The following WDR89 variants were observed in gnomAD, a reference collection of about 807,000 sequenced individuals.
WDR89 encodes WD repeat domain 89.
In WDR89, 17 loss-of-function variants were observed where a neutral mutation model predicts 29.1. That is an observed-to-expected ratio of 0.58 (90% CI 0.40 to 0.88). The LOEUF (loss-of-function observed/expected upper bound fraction) is 0.88, where lower values mean the gene tolerates loss of function less well. Ranked by LOEUF, WDR89 falls within the 40% of genes least tolerant of loss-of-function variation. The pLI, the probability that WDR89 is intolerant of heterozygous loss-of-function variation, is 0.00. For synonymous variants in WDR89, 138 were observed against 157.8 expected (o/e 0.87, Z 0.94); for missense variants, 396 against 456.3 (o/e 0.87, Z 1.20).
At position 63,630,274 on chromosome 14, in the gene WDR89, T is replaced by C. The variant is rs147480701; in HGVS notation, c.-137-5241A>G. ...AGAGTCACATATTAAATTGCTCACA[T>C]TTACAATGTAGAAGATGGATTTAAA... is the stretch of plus-strand genomic sequence containing the variant. On this transcript the variant is annotated intron_variant, in intron 1 of 2. Coordinates refer to ENST00000620954, the MANE Select transcript of WDR89 (RefSeq NM_080666.4). Among the ~76,000 whole-genome samples, 5 of 151,664 alleles carry C rather than the reference T, an allele frequency of 3.3e-5. No individual in the cohort carries two copies. The East Asian group carries it at 9.8e-4, about 30-fold the overall frequency.
At chr14:63,613,503 A>ATT (rs879462925) in intron 2 of WDR89, among the ~76,000 whole-genome samples, 6 of 139,204 alleles carry the variant, frequency 4.3e-5, no homozygotes, top group Admixed American at 7.2e-5. Context: ...ATACTGCTGA[A>ATT]TTTTTTTTTT....
intron 2 of WDR89, among the ~76,000 whole-genome samples, chr14:63,621,295 G>C (rs543782566): frequency 6.6e-6 from 1 of 152,056 alleles, no homozygotes; most frequent in Admixed American, 6.6e-5. Context: ...CCCAGGCTGG[G>C]GTGCAGTGGC....
chr14:63,600,970 G>C (rs1212266771), intron 2 of WDR89, among the ~76,000 whole-genome samples: 24 of 152,220 alleles, frequency 1.6e-4, no homozygotes, highest in Non-Finnish European at 2.9e-5. Flanking sequence ...AGAAGAGTCA[G>C]AGGAAGAGGT....
intron 1 of WDR89, among the ~76,000 whole-genome samples, chr14:63,638,482 G>T (rs572181700): frequency 6.6e-6 from 1 of 152,246 alleles, no homozygotes; most frequent in East Asian, 1.9e-4. Context: ...CTTTTCTCTA[G>T]AACAGCAATG....
At chr14:63,641,567 C>T (rs1415355201) in intron 1 of WDR89, among the ~76,000 whole-genome samples, 1 of 152,262 alleles carries the variant, frequency 6.6e-6, no homozygotes, top group African/African-American at 2.4e-5. Flanking sequence ...CCGGCAACAG[C>T]AGCCTGACCC....
rs142641026 is a variant in WDR89, at chr14:63,605,128, G to A, written c.-31-5155C>T. Among the ~76,000 whole-genome samples the A allele has an allele frequency of 5.7e-3, 870 of 151,882 alleles. 10 individuals carry two copies. Among genetic ancestry groups the A allele is most frequent in the Middle Eastern group, 0.02 (6 of 294 alleles). On this transcript the variant is annotated intron_variant, in intron 2 of 2. Transcript: ENST00000620954. ...TGCACCACTGCACTTCAGCCTCGGC[G>A]ACAGAGCAAGACACGTGCTGTCTGT...
At chr14:63,620,337 A>C (rs774285615) in intron 2 of WDR89, among the ~76,000 whole-genome samples, 1 of 152,172 alleles carries the variant, frequency 6.6e-6, no homozygotes, top group African/African-American at 2.4e-5. Context: ...CAGATATAGA[A>C]AGCCAAATAC....
rs370460278 is a variant in WDR89, at chr14:63,599,375, A to T, written c.568T>A (p.Ser190Thr). 1.9e-6 allele frequency: 3 copies of T among 1,614,076 alleles called. No homozygotes were observed. Among genetic ancestry groups the T allele is most frequent in the Non-Finnish European group, 2.5e-6 (3 of 1,180,050 alleles). The change falls in exon 3 of 3, where the codon TCA becomes ACA. Residue 190 changes from serine (S) to threonine (T), a missense_variant. By Grantham distance (58) the Ser-to-Thr change is moderately conservative. Transcript: ENST00000620954. ...AATACATTTACCAGGCCATCAGATGAACCTGAGACTACCATGTTGGGATTG... is the reference window on the plus strand; with the variant it reads ...AATACATTTACCAGGCCATCAGATGTACCTGAGACTACCATGTTGGGATTG... ...PSNPNMVVSG[S>T]SDGLVNVFDI...
In WDR89 at chr14:63,598,544, T is replaced by C. The variant is rs1267753611; in HGVS notation, c.*235A>G. 1.8e-5 allele frequency: 6 copies of C among 335,102 alleles called. No individual in the cohort carries two copies. The highest frequency in any genetic ancestry group is 3.2e-5 in the Non-Finnish European group (6 of 187,540). 20.8% of individuals were successfully genotyped at this position (335,102 alleles called of 1,614,324 possible). A position where few individuals can be genotyped will look rare whatever the true frequency, so the allele number is the denominator to read the frequency against. On this transcript the variant is annotated 3_prime_UTR_variant, in exon 3 of 3. Transcript: ENST00000620954. The stretch of plus-strand genomic sequence containing the variant: ...AGCCAACATTTACTACATTAACAGA[T>C]GGGTTCTTTAAATAAGAAATTTTAC...
chr14:63,598,756 C>T lies in WDR89; in HGVS notation c.*23G>A. 2 of 1,542,250 alleles carry T rather than the reference C, an allele frequency of 1.3e-6. No individual in the cohort carries two copies. Among genetic ancestry groups the T allele is most frequent in the East Asian group, 2.3e-5 (1 of 44,352 alleles). On this transcript the variant is annotated 3_prime_UTR_variant, in exon 3 of 3. Coordinates refer to ENST00000620954, the MANE Select transcript of WDR89 (RefSeq NM_080666.4). ...GACTATTTGAAACTATAAAACCTAC[C>T]AAACAAAGTGCCAAATGCATTATCA...
At chr14:63,632,631 TCAAA>T (rs150378541) in intron 1 of WDR89, among the ~76,000 whole-genome samples, 1 of 151,946 alleles carries the variant, frequency 6.6e-6, no homozygotes, top group African/African-American at 2.4e-5. Context: ...AGACTCCGTC[TCAAA>T]CAAACAAAAA....
chr14:63,629,524 C>T (rs1040575448), intron 1 of WDR89, among the ~76,000 whole-genome samples: 2 of 152,194 alleles, frequency 1.3e-5, no homozygotes, highest in African/African-American at 2.4e-5. Flanking sequence ...CTTGACTTAG[C>T]GTTCAGGATC....
intron 2 of WDR89, among the ~76,000 whole-genome samples, chr14:63,615,851 G>C (rs898946523): frequency 9.9e-5 from 15 of 151,550 alleles, no homozygotes; most frequent in African/African-American, 3.6e-4. Context: ...TTGAACCTCA[G>C]AGGCAGAGGT....
chr14:63,603,838 A>T (rs76967908), intron 2 of WDR89, among the ~76,000 whole-genome samples: 5,039 of 152,298 alleles, frequency 0.033, 137 homozygotes, highest in Admixed American at 0.081. Flanking sequence ...ACGCTGGGGT[A>T]GTCACCTCCA....
intron 1 of WDR89, among the ~76,000 whole-genome samples, chr14:63,631,593 G>T (rs1185644965): frequency 1.3e-5 from 2 of 151,860 alleles, no homozygotes; most frequent in African/African-American, 4.8e-5. Context: ...TGTTGCTCAG[G>T]CTGTTCCTGA....
intron 1 of WDR89, among the ~76,000 whole-genome samples, chr14:63,629,356 A>C (rs1274521621): frequency 6.6e-6 from 1 of 152,206 alleles, no homozygotes; most frequent in East Asian, 1.9e-4. Context: ...TTGTATTCTT[A>C]AATGCTTGCT....
intron 1 of WDR89, among the ~76,000 whole-genome samples, chr14:63,625,551 T>C (rs1296106816): frequency 1.3e-5 from 2 of 152,140 alleles, no homozygotes; most frequent in Non-Finnish European, 2.9e-5. Flanking sequence ...TAAAAAGTCA[T>C]AGGCAAAACT....
chr14:63,627,973 C>T (rs1313475534), intron 1 of WDR89, among the ~76,000 whole-genome samples: 3 of 152,222 alleles, frequency 2.0e-5, no homozygotes, highest in East Asian at 1.9e-4. Context: ...CAGTGGCTCA[C>T]GCCTGTAAGC....
chr14:63,639,614 A>G (rs1278826699), intron 1 of WDR89, among the ~76,000 whole-genome samples: 1 of 152,226 alleles, frequency 6.6e-6, no homozygotes, highest in East Asian at 1.9e-4. Flanking sequence ...AATTAACATA[A>G]AGACCATTCC....
Sources: allele counts gnomAD v4.1 joint callset (sites outside exome capture counted in the v4.1 genomes callset), GRCh38; gene constraint gnomAD v4.1.1; transcripts MANE v1.5; gene names NCBI Gene and HGNC (gene_info 2026-07-23, HGNC 2026-07-21).